LIPG: variants seen among roughly 807,000 people sequenced by gnomAD.
LIPG encodes the protein endothelial lipase.
LIPG carries 34 observed loss-of-function variants against 51.8 expected under a neutral mutation model. The ratio of observed to expected loss-of-function variants is 0.66; its 90% confidence interval spans 0.50 to 0.87. The LOEUF is 0.87. Among genes scored for constraint, LIPG ranks in the 40% least tolerant of loss-of-function variants. The probability of loss-of-function intolerance (pLI) is 0.00; values close to 1 mark genes in which losing one functional copy is unlikely to be tolerated. For synonymous variants in LIPG, 246 were observed against 246.1 expected (o/e 1.00, Z 0.00); for missense variants, 580 against 652.7 (o/e 0.89, Z 1.21).
chr18:49,580,992 C>T (rs1035327349), intron 5 of LIPG, among the ~76,000 whole-genome samples: 1 of 152,132 alleles, frequency 6.6e-6, no homozygotes, highest in Non-Finnish European at 1.5e-5. Flanking sequence ...GGTGCAGCGG[C>T]TCACATCTGT....
intron 9 of LIPG, among the ~76,000 whole-genome samples, chr18:49,588,319 AT>A (rs1174440060): frequency 1.4e-5 from 2 of 141,454 alleles, no homozygotes; most frequent in Non-Finnish European, 3.0e-5. Flanking sequence ...GTCTCACTCT[AT>A]CGCTCAGGCT....
In LIPG at chr18:49,590,941, A is replaced by T. The variant is rs1329061431; in HGVS notation, c.*419A>T. The T allele has an allele frequency of 1.3e-5, 4 of 299,532 alleles. No homozygotes were observed. In the East Asian group the frequency reaches 3.2e-4, roughly 24 times the overall value. 18.6% of individuals were successfully genotyped at this position (299,532 alleles called of 1,614,324 possible). A position where few individuals can be genotyped will look rare whatever the true frequency, so the allele number is the denominator to read the frequency against. The stretch of plus-strand genomic sequence containing the variant: ...TCAGCCTGCTTTGAGCCTCAGTGAG[A>T]AGTCCTTCCGACAGGAGCTGACTCA... On this transcript the variant is annotated 3_prime_UTR_variant, in exon 10 of 10. Coordinates refer to ENST00000261292, the MANE Select transcript of LIPG (RefSeq NM_006033.4).
intron 3 of LIPG, 91 bp downstream of exon 3, chr18:49,567,712 A>G (rs1459438478): frequency 1.5e-6 from 2 of 1,308,068 alleles, no homozygotes; most frequent in South Asian, 2.6e-5. Flanking sequence ...TGTTGCCATG[A>G]ACTTCTGGAG....
intron 3 of LIPG, among the ~76,000 whole-genome samples, chr18:49,568,527 T>C (rs1297874349): frequency 6.6e-6 from 1 of 152,042 alleles, no homozygotes; most frequent in Non-Finnish European, 1.5e-5. Context: ...TTTACAGGTG[T>C]GAGCCACCAT....
rs576558036 is a variant in LIPG at position 49,568,084 on chromosome 18, C to CA, written c.459+464dup. Among the ~76,000 whole-genome samples the CA allele has an allele frequency of 4.2e-3, 635 of 152,304 alleles. 1 individual carries two copies. Among genetic ancestry groups the CA allele is most frequent in the Non-Finnish European group, 6.8e-3 (463 of 68,024 alleles). ...TTGTTTTGTTGCCCAGGCTGGAGTA[C>CA]AGTGGTGTGATCTTGGTTCACTGCA... On this transcript the variant is annotated intron_variant, in intron 3 of 9. Transcript: ENST00000261292.
At chr18:49,566,669 G>A (rs940068196) in intron 2 of LIPG, among the ~76,000 whole-genome samples, 1 of 152,160 alleles carries the variant, frequency 6.6e-6, no homozygotes, top group Non-Finnish European at 1.5e-5. Context: ...TGGCAGAGAT[G>A]GGTTGTGGGA....
intron 5 of LIPG, among the ~76,000 whole-genome samples, chr18:49,577,923 G>A: frequency 9.4e-6 from 1 of 106,708 alleles, no homozygotes; most frequent in Admixed American, 8.6e-5. Context: ...GGGTGGGCGG[G>A]CAGAGGCGCC....
rs1869266988 is a variant in LIPG at position 49,567,521 on chromosome 18, T to C, written c.359T>C (p.Val120Ala). The C allele has an allele frequency of 1.2e-6, 2 of 1,614,072 alleles. No homozygotes were observed. The highest frequency in any genetic ancestry group is 1.7e-6 in the Non-Finnish European group (2 of 1,180,042). ...AGAGAGAAAGACGCCAATGTAGTTG[T>C]GGTTGACTGGCTCCCCCTGGCCCAC... Reference protein sequence around the residue: ...HTREKDANVVVVDWLPLAHQL... With the variant: ...HTREKDANVVAVDWLPLAHQL... Residue 120 changes from valine to alanine, a missense_variant, in exon 3 of 10, where the codon GTG becomes GCG. By Grantham distance (64) the Val-to-Ala change is moderately conservative. Coordinates refer to ENST00000261292, the MANE Select transcript of LIPG (RefSeq NM_006033.4).
chr18:49,567,300 G>C (rs1360090528), intron 2 of LIPG, 142 bp from the exon 3 acceptor site: 1 of 767,364 alleles, frequency 1.3e-6, no homozygotes, highest in African/African-American at 1.8e-5. Context: ...TGTTGTCAGT[G>C]CACTCCAGCC....
chr18:49,580,026 C>G (rs1233663186), intron 5 of LIPG, among the ~76,000 whole-genome samples: 1 of 152,074 alleles, frequency 6.6e-6, no homozygotes, highest in African/African-American at 2.4e-5. Context: ...TTTGGCCAGG[C>G]TGGTCTCAAA....
rs143657111 is a variant in LIPG, at chr18:49,598,698, A to G, written c.*8176A>G. 1 of 152,218 alleles carries G rather than the reference A, an allele frequency of 6.6e-6. No homozygotes were observed. Among genetic ancestry groups the G allele is most frequent in the Admixed American group, 6.5e-5 (1 of 15,286 alleles). The allele number at this position is 152,218 out of a possible 1,614,324, so 9.4% of individuals were successfully genotyped here. On this transcript the variant is annotated 3_prime_UTR_variant, in exon 10 of 10. Transcript: ENST00000261292. ...AGGAAATCATCATGAAACTGAAAGCATTACCACATCGAGATTGTGAACATA... is the reference window on the plus strand; with the variant it reads ...AGGAAATCATCATGAAACTGAAAGCGTTACCACATCGAGATTGTGAACATA...
intron 5 of LIPG, among the ~76,000 whole-genome samples, chr18:49,579,008 G>T (rs865936721): frequency 1.4e-4 from 1 of 6,954 alleles, no homozygotes; most frequent in Non-Finnish European, 2.0e-4. Context: ...CGTGGGGAGA[G>T]GGAGAGGGAG....
intron 8 of LIPG, among the ~76,000 whole-genome samples, chr18:49,584,552 G>T (rs958872467): frequency 2.0e-5 from 3 of 152,232 alleles, no homozygotes; most frequent in African/African-American, 4.8e-5. Flanking sequence ...GGCATGGGAG[G>T]AGGCAGCTGC....
At chr18:49,586,057 C>CGCT (rs2084876686) in intron 8 of LIPG, among the ~76,000 whole-genome samples, 1 of 152,150 alleles carries the variant, frequency 6.6e-6, no homozygotes, top group South Asian at 2.1e-4. Context: ...TACGTGGTCA[C>CGCT]GCTAATCACA....
At position 49,567,469 on chromosome 18, in the gene LIPG, C is replaced by G; in HGVS notation, c.307C>G (p.His103Asp). 6.2e-7 allele frequency: 1 copy of G among 1,614,168 alleles called. No homozygotes were observed. The highest frequency in any genetic ancestry group is 8.5e-7 in the Non-Finnish European group (1 of 1,180,016). The change falls in exon 3 of 10, where the codon CAC becomes GAC. Residue 103 changes from histidine (H) to aspartate (D), a missense_variant. Transcript: ENST00000261292. ...TMSGIFENWL[H>D]KLVSALHTRE... ...GAGCGGTATCTTTGAAAACTGGCTG[C>G]ACAAACTCGTGTCAGCCCTGCACAC...
intron 4 of LIPG, among the ~76,000 whole-genome samples, chr18:49,569,913 G>A (rs926098265): frequency 6.6e-6 from 1 of 152,186 alleles, no homozygotes; most frequent in African/African-American, 2.4e-5. Flanking sequence ...AATAGGTGAG[G>A]AAACAAACAC....
At chr18:49,566,160 GTCC>G (rs2148847452) in intron 2 of LIPG, among the ~76,000 whole-genome samples, 1 of 152,294 alleles carries the variant, frequency 6.6e-6, no homozygotes, top group African/African-American at 2.4e-5. Context: ...GAAGGGGACA[GTCC>G]TCCTCTTAAT....
rs41507045 is a variant in LIPG at position 49,586,942 on chromosome 18, A to G, written c.1481+92A>G. 6,954 of 930,310 alleles carry G rather than the reference A, an allele frequency of 7.5e-3. 165 individuals are homozygous for G. The highest frequency in any genetic ancestry group is 0.071 in the African/African-American group (4,407 of 62,132). 57.6% of individuals were successfully genotyped at this position (930,310 alleles called of 1,614,324 possible). A position where few individuals can be genotyped will look rare whatever the true frequency, so the allele number is the denominator to read the frequency against. On this transcript the variant is annotated intron_variant, in intron 9 of 9. Transcript: ENST00000261292. The stretch of plus-strand genomic sequence containing the variant: ...GGGGATGGATCTGGGTGCCAGGGAC[A>G]TAGCATGAACAAAACAGATAAAAAT...
chr18:49,583,812 T>C, intron 8 of LIPG, 38 bp downstream of exon 8: 1 of 1,554,904 alleles, frequency 6.4e-7, no homozygotes, highest in Non-Finnish European at 8.8e-7. Flanking sequence ...CTGGTGTAGG[T>C]GGGGAACAGA....
Sources: gnomAD v4.1 joint callset for allele counts (sites outside exome capture counted in the v4.1 genomes callset) on GRCh38, gnomAD v4.1.1 for gene constraint, MANE v1.5 for transcripts, NCBI Gene and HGNC (gene_info 2026-07-23, HGNC 2026-07-21) for gene names.